Variants in RASSF1 observed in about 807,000 individuals in gnomAD.
RASSF1 encodes the protein ras association domain-containing protein 1.
A neutral mutation model predicts 34.3 loss-of-function variants in RASSF1; 33 were observed. The observed-to-expected ratio is 0.96, with a 90% CI of 0.73 to 1.29. RASSF1 has a LOEUF of 1.29. RASSF1 is among the 50% of genes most tolerant of loss of function. The pLI, the probability that RASSF1 is intolerant of heterozygous loss-of-function variation, is 0.00. For missense variants in RASSF1, 445 were observed against 471.8 expected (o/e 0.94, Z 0.53); for synonymous variants, 191 against 195.0 (o/e 0.98, Z 0.17).
At chr3:50,338,151 G>C in intron 1 of RASSF1, 140 bp from the exon 2 acceptor site, 1 of 1,447,546 alleles carries the variant, frequency 6.9e-7, no homozygotes, top group East Asian at 2.5e-5. Context: ...ACCTCACACT[G>C]CTACGCGGAC....
chr3:50,330,793 A>G lies in RASSF1; in HGVS notation c.877-66T>C. On this transcript the variant is annotated intron_variant, in intron 5 of 5. Coordinates refer to ENST00000359365, the MANE Select transcript of RASSF1 (RefSeq NM_007182.5). This position sits in a 1 kb window ranked among gnomAD's most constrained non-coding sequence, Gnocchi z 4.5. ...ATGGCCAAGCCAGCAGACCCTCCCCAGAGAAGACTAGCACCTCATGTTCAC... is the reference window on the plus strand; with the variant it reads ...ATGGCCAAGCCAGCAGACCCTCCCCGGAGAAGACTAGCACCTCATGTTCAC... 2.6e-6 allele frequency: 4 copies of G among 1,523,926 alleles called. No individual in the cohort carries two copies. In the South Asian group the frequency reaches 4.7e-5, roughly 18 times the overall value. The allele number at this position is 1,523,926 out of a possible 1,614,324, so 94.4% of individuals were successfully genotyped here.
chr3:50,340,169 A>G lies in RASSF1; in HGVS notation c.250+387T>C, dbSNP rs76041165. Among the ~76,000 whole-genome samples the G allele has an allele frequency of 9.7e-3, 1,472 of 152,238 alleles. 20 individuals are homozygous for G. The highest frequency in any genetic ancestry group is 0.034 in the African/African-American group (1,405 of 41,528). On this transcript the variant is annotated intron_variant, in intron 1 of 5. Coordinates refer to ENST00000359365, the MANE Select transcript of RASSF1 (RefSeq NM_007182.5). Reference sequence around the variant, plus strand: ...TCTAAATTTTTCCAGGCTCCCTCCCATAGGTGGTAATTTCCCTTCACCCTA... The same window carrying G: ...TCTAAATTTTTCCAGGCTCCCTCCCGTAGGTGGTAATTTCCCTTCACCCTA...
intron 2 of RASSF1, among the ~76,000 whole-genome samples, chr3:50,334,347 C>T (rs1703049678): frequency 6.6e-6 from 1 of 152,176 alleles, no homozygotes; most frequent in African/African-American, 2.4e-5. Flanking sequence ...GGAGTAAAAA[C>T]CCCAGTACAA....
At position 50,332,868 on chromosome 3, in the gene RASSF1, G is replaced by T. The variant is rs150280262; in HGVS notation, c.358-714C>A. Among the ~76,000 whole-genome samples, 192 of 152,224 alleles carry T rather than the reference G, an allele frequency of 1.3e-3. 1 individual carries two copies. The highest frequency in any genetic ancestry group is 4.5e-3 in the African/African-American group (185 of 41,532). ...CTAGCACTTTGGGAGGCCGAGGCGG[G>T]TGGATCACCTGAGGTCAGGAGTTTG... On this transcript the variant is annotated intron_variant, in intron 2 of 5. Coordinates refer to ENST00000359365, the MANE Select transcript of RASSF1 (RefSeq NM_007182.5).
chr3:50,339,523 G>A (rs1433765132), intron 1 of RASSF1, among the ~76,000 whole-genome samples: 3 of 151,246 alleles, frequency 2.0e-5, no homozygotes, highest in African/African-American at 4.9e-5. Flanking sequence ...CCGCCACTAC[G>A]CCTGGCTCAT....
rs1553718220 is a variant in RASSF1 at position 50,330,757 on chromosome 3, C to G, written c.877-30G>C. 1 of 1,607,750 alleles carries G rather than the reference C, an allele frequency of 6.2e-7. No individual in the cohort carries two copies. The highest frequency in any genetic ancestry group is 8.5e-7 in the Non-Finnish European group (1 of 1,175,602). Reference sequence around the variant, plus strand: ...AAGGGGCAAAAGGGGAGTGTACAGGCTGCAGAAGGGATGGCCAAGCCAGCA... The same window carrying G: ...AAGGGGCAAAAGGGGAGTGTACAGGGTGCAGAAGGGATGGCCAAGCCAGCA... On this transcript the variant is annotated intron_variant, in intron 5 of 5. Coordinates refer to ENST00000359365, the MANE Select transcript of RASSF1 (RefSeq NM_007182.5). The surrounding 1 kb of genome is among the most constrained non-coding windows in gnomAD (Gnocchi z 4.5).
At chr3:50,337,618 C>CA (rs1470459600) in intron 2 of RASSF1, 3 of 1,102,906 alleles carry the variant, frequency 2.7e-6, no homozygotes, top group Non-Finnish European at 3.8e-6. Flanking sequence ...GGCAAGCGCA[C>CA]AAGAGTGGCC....
intron 2 of RASSF1, 45 bp downstream of exon 2, chr3:50,337,860 C>T: frequency 6.7e-7 from 1 of 1,502,236 alleles, no homozygotes; most frequent in African/African-American, 1.4e-5. Flanking sequence ...GCACTGTGGC[C>T]TGCCCATCCT....
At chr3:50,333,628 CACA>C (rs1369829889) in intron 2 of RASSF1, among the ~76,000 whole-genome samples, 2 of 152,238 alleles carry the variant, frequency 1.3e-5, no homozygotes, top group South Asian at 2.1e-4. Context: ...AGGCGCGTGC[CACA>C]ACAACACCCG....
intron 2 of RASSF1, chr3:50,337,543 T>G (rs951629088): frequency 4.0e-6 from 6 of 1,493,282 alleles, no homozygotes; most frequent in Non-Finnish European, 5.4e-6. Flanking sequence ...AATGACCTCA[T>G]CGCTCCGGAG....
chr3:50,340,590 G>A lies in RASSF1; in HGVS notation c.216C>T (p.Ile72=), dbSNP rs1301542393. 6.5e-7 allele frequency: 1 copy of A among 1,549,550 alleles called. No individual in the cohort carries two copies. The highest frequency in any genetic ancestry group is 8.6e-7 in the Non-Finnish European group (1 of 1,158,356). ...GCAGGCCTTTGCGCACGACGCCCCA[G>A]ATGAAGTCGCCACAGAGGTCGCACC... The part of the protein sequence containing the change: ...HTWCDLCGDF[I]WGVVRKGLQC... The change falls in exon 1 of 6, where the codon ATC becomes ATT. Residue 72 remains isoleucine, a synonymous_variant. Coordinates refer to ENST00000359365, the MANE Select transcript of RASSF1 (RefSeq NM_007182.5).
intron 3 of RASSF1, 51 bp downstream of exon 3, chr3:50,331,999 T>C (rs931215426): frequency 3.8e-6 from 6 of 1,595,404 alleles, no homozygotes; most frequent in Non-Finnish European, 5.2e-6. Flanking sequence ...ATCAGGCACA[T>C]AGCTGGGTAC....
At chr3:50,331,962 G>T (rs1702962152) in intron 3 of RASSF1, 88 bp downstream of exon 3, 1 of 1,565,200 alleles carries the variant, frequency 6.4e-7, no homozygotes. Context: ...GCCCACCCAA[G>T]ATAACCTCAG....
intron 2 of RASSF1, among the ~76,000 whole-genome samples, chr3:50,334,162 G>A (rs1301752371): frequency 3.3e-5 from 5 of 152,180 alleles, no homozygotes; most frequent in South Asian, 4.1e-4. Context: ...AGGGTGGAGC[G>A]TTTTAGCAGA....
In RASSF1 at chr3:50,340,689, C is replaced by T; in HGVS notation, c.117G>A (p.Ala39=). 1 of 1,531,556 alleles carries T rather than the reference C, an allele frequency of 6.5e-7. No homozygotes were observed. The highest frequency in any genetic ancestry group is 2.0e-5 in the Admixed American group (1 of 50,750). 94.9% of individuals were successfully genotyped at this position (1,531,556 alleles called of 1,614,324 possible). Residue 39 remains alanine, a synonymous_variant, in exon 1 of 6, where the codon GCG becomes GCA. Coordinates refer to ENST00000359365, the MANE Select transcript of RASSF1 (RefSeq NM_007182.5). ...GGACCAGCTGCCGTGTGGGGTTGCA[C>T]GCGGTGCCCCGCGCGATGCGCAGCG... ...ANALRIARGT[A]CNPTRQLVPG... is the part of the protein sequence containing the mutation.
intron 2 of RASSF1, among the ~76,000 whole-genome samples, chr3:50,333,316 T>C (rs930862072): frequency 4.6e-5 from 7 of 152,320 alleles, no homozygotes; most frequent in Non-Finnish European, 7.4e-5. Context: ...CAGTTCTCCA[T>C]GTCTCACACA....
At chr3:50,335,586 T>A (rs926297693) in intron 2 of RASSF1, among the ~76,000 whole-genome samples, 1 of 152,188 alleles carries the variant, frequency 6.6e-6, no homozygotes, top group Non-Finnish European at 1.5e-5. Flanking sequence ...CCCAAAATGC[T>A]GAGATTACAG....
In RASSF1 at chr3:50,338,018, A is replaced by G; in HGVS notation, c.251-7T>C. The G allele has an allele frequency of 1.3e-6, 2 of 1,577,186 alleles. No individual in the cohort carries two copies. The highest frequency in any genetic ancestry group is 1.2e-5 in the South Asian group (1 of 86,550). On this transcript the variant is annotated splice_polypyrimidine_tract_variant and splice_region_variant and intron_variant, in intron 1 of 5. Transcript: ENST00000359365. ...TGGCAGGTGAACTTGCAATCTGCAG[A>G]GAGGCCTGGCGGTGAGGCGGAGGAG...
At chr3:50,340,440 C>T in intron 1 of RASSF1, 116 bp downstream of exon 1, 2 of 1,307,736 alleles carry the variant, frequency 1.5e-6, no homozygotes. Flanking sequence ...AAGTAACGGA[C>T]CTAGTCCTCG....
Sources: allele counts gnomAD v4.1 joint callset (sites outside exome capture counted in the v4.1 genomes callset), GRCh38; gene constraint gnomAD v4.1.1; non-coding constraint Gnocchi (gnomAD v3.1); transcripts MANE v1.5; gene names NCBI Gene and HGNC (gene_info 2026-07-23, HGNC 2026-07-21).